TRPM7: variants seen among roughly 807,000 people sequenced by gnomAD.
TRPM7 encodes LTRPC ion channel family member 7.
Under a neutral mutation model 229.7 loss-of-function variants are expected in TRPM7, and 134 were observed. The ratio of observed to expected loss-of-function variants is 0.58; its 90% CI spans 0.51 to 0.67. The LOEUF is 0.67. TRPM7 is among the 30% of genes least tolerant of loss of function. The pLI, the probability that TRPM7 is intolerant of heterozygous loss-of-function variation, is 0.00. For missense variants in TRPM7, 1,901 were observed against 2,210.0 expected (o/e 0.86, Z 2.80); for synonymous variants, 699 against 715.2 (o/e 0.98, Z 0.36).
chr15:50,568,436 T>C (rs1467874726), intron 38 of TRPM7, among the ~76,000 whole-genome samples: 2 of 152,112 alleles, frequency 1.3e-5, no homozygotes, highest in East Asian at 1.9e-4. Flanking sequence ...CAGGGACATA[T>C]GCTCAAAAAA....
chr15:50,557,258 C>G lies in TRPM7; in HGVS notation c.*4420G>C, dbSNP rs1343369629. 1 of 152,168 alleles carries G rather than the reference C, an allele frequency of 6.6e-6. No homozygotes were observed. The highest frequency in any genetic ancestry group is 6.5e-5 in the Admixed American group (1 of 15,276). The allele number at this position is 152,168 out of a possible 1,614,324, so 9.4% of individuals were successfully genotyped here. A position where few individuals can be genotyped will look rare whatever the true frequency, so the allele number is the denominator to read the frequency against. Reference sequence around the variant, plus strand: ...ACGACCCATCTCTTCAAGAGGAAGTCTGGTATTATGGAAAAACATTTTGTC... The same window carrying G: ...ACGACCCATCTCTTCAAGAGGAAGTGTGGTATTATGGAAAAACATTTTGTC... On this transcript the variant is annotated 3_prime_UTR_variant, in exon 39 of 39. Transcript: ENST00000646667.
chr15:50,599,591 G>A (rs894936193), intron 21 of TRPM7: 9 of 220,614 alleles, frequency 4.1e-5, no homozygotes, highest in Admixed American at 5.7e-5. Context: ...TCTGTGGTAC[G>A]TGAAGATTTT....
At chr15:50,645,426 A>G (rs2061235362) in intron 4 of TRPM7, among the ~76,000 whole-genome samples, 1 of 152,062 alleles carries the variant, frequency 6.6e-6, no homozygotes, top group Admixed American at 6.6e-5. Flanking sequence ...TCCCGGGTTC[A>G]AGAGATTCTC....
chr15:50,636,039 G>A (rs891552751), intron 7 of TRPM7, among the ~76,000 whole-genome samples: 2 of 151,516 alleles, frequency 1.3e-5, no homozygotes, highest in African/African-American at 4.9e-5. Flanking sequence ...TACATAACTG[G>A]AACTGATCAA....
In TRPM7 at chr15:50,575,780, C is replaced by A. The variant is rs749412295; in HGVS notation, c.4679G>T (p.Arg1560Ile). 1.9e-6 allele frequency: 3 copies of A among 1,613,466 alleles called. No homozygotes were observed. The highest frequency in any genetic ancestry group is 1.1e-5 in the South Asian group (1 of 90,998). The change falls in exon 33 of 39, where the codon AGA (arginine) becomes ATA (isoleucine). Residue 1560 changes from arginine to isoleucine, a missense_variant. Arg to Ile is a moderately conservative substitution (Grantham distance 97). Coordinates refer to ENST00000646667, the MANE Select transcript of TRPM7 (RefSeq NM_017672.6). Reference protein sequence around the residue: ...DTNYYYSAVERNNLMRLSQSI... With the variant: ...DTNYYYSAVEINNLMRLSQSI... The stretch of plus-strand genomic sequence containing the variant: ...CTGTGATAACCTCATCAAGTTATTT[C>A]TTTCCACAGCTGCATAAAAATGAGA...
intron 33 of TRPM7, 112 bp from the exon 34 acceptor site, chr15:50,575,247 C>T: frequency 1.2e-6 from 1 of 854,584 alleles, no homozygotes; most frequent in Non-Finnish European, 1.7e-6. Context: ...TAAAATGGAC[C>T]AAGATGTAGT....
At position 50,570,205 on chromosome 15, in the gene TRPM7, C is replaced by T. The variant is rs1011462108; in HGVS notation, c.5309-50G>A. ...CAAATAATTTATATTATATAATTGACATAAATACTGACATCTGCATAATAA... is the reference window on the plus strand; with the variant it reads ...CAAATAATTTATATTATATAATTGATATAAATACTGACATCTGCATAATAA... On this transcript the variant is annotated intron_variant, in intron 36 of 38. Coordinates refer to ENST00000646667, the MANE Select transcript of TRPM7 (RefSeq NM_017672.6). 7 of 1,290,012 alleles carry T rather than the reference C, an allele frequency of 5.4e-6. No individual in the cohort carries two copies. In the East Asian group the frequency reaches 7.6e-5, roughly 14 times the overall value. The allele number at this position is 1,290,012 out of a possible 1,614,324, so 79.9% of individuals were successfully genotyped here.
At chr15:50,613,091 T>C (rs1039720256) in intron 15 of TRPM7, among the ~76,000 whole-genome samples, 7 of 152,246 alleles carry the variant, frequency 4.6e-5, no homozygotes, top group Admixed American at 3.9e-4. Flanking sequence ...GAACATAATT[T>C]TAATAAAGGG....
chr15:50,596,384 T>C lies in TRPM7; in HGVS notation c.3164-3A>G. Reference sequence around the variant, plus strand: ...GATAACAGAATCATTTGCACACACTTTAGAGAGAAAAAAAGAAAAAAACAA... The same window carrying C: ...GATAACAGAATCATTTGCACACACTCTAGAGAGAAAAAAAGAAAAAAACAA... On this transcript the variant is annotated splice_polypyrimidine_tract_variant and splice_region_variant and intron_variant, in intron 22 of 38. Coordinates refer to ENST00000646667, the MANE Select transcript of TRPM7 (RefSeq NM_017672.6). The C allele has an allele frequency of 1.3e-6, 2 of 1,568,014 alleles. No individual in the cohort carries two copies. The highest frequency in any genetic ancestry group is 1.7e-6 in the Non-Finnish European group (2 of 1,166,602).
At chr15:50,573,496 C>T (rs1441779494) in intron 36 of TRPM7, among the ~76,000 whole-genome samples, 2 of 152,130 alleles carry the variant, frequency 1.3e-5, no homozygotes, top group Non-Finnish European at 2.9e-5. Context: ...TTTGAGGTGA[C>T]AGCAGAGAGA....
intron 21 of TRPM7, 39 bp downstream of exon 21, chr15:50,604,827 A>C: frequency 2.7e-5 from 41 of 1,509,616 alleles, no homozygotes; most frequent in Non-Finnish European, 3.5e-5. Flanking sequence ...TTAAAAAATC[A>C]ATAAACCCAC....
rs932587170 is a variant in TRPM7 at position 50,657,881 on chromosome 15, T to C, written c.84-62A>G. On this transcript the variant is annotated intron_variant, in intron 2 of 38. Coordinates refer to ENST00000646667, the MANE Select transcript of TRPM7 (RefSeq NM_017672.6). ...TGAAAAACTTTCTGATTTTAAAGTATATAAAATACATAAAATACAAAACAA... is the reference window on the plus strand; with the variant it reads ...TGAAAAACTTTCTGATTTTAAAGTACATAAAATACATAAAATACAAAACAA... The C allele has an allele frequency of 5.8e-6, 8 of 1,372,880 alleles. No homozygotes were observed. In the African/African-American group the frequency reaches 1.0e-4, roughly 18 times the overall value. 85.0% of individuals were successfully genotyped at this position (1,372,880 alleles called of 1,614,324 possible). A position where few individuals can be genotyped will look rare whatever the true frequency, so the allele number is the denominator to read the frequency against.
chr15:50,599,541 A>G (rs970505248), intron 21 of TRPM7: 7 of 338,232 alleles, frequency 2.1e-5, no homozygotes, highest in Non-Finnish European at 3.2e-5. Context: ...TTATCTACAT[A>G]ATGAATTGTA....
At chr15:50,594,296 C>G in intron 24 of TRPM7, 133 bp downstream of exon 24, 1 of 735,786 alleles carries the variant, frequency 1.4e-6, no homozygotes, top group Non-Finnish European at 2.2e-6. Context: ...CCTTTATGTA[C>G]AGGCATATTT....
At chr15:50,569,572 T>C (rs970878990) in intron 38 of TRPM7, among the ~76,000 whole-genome samples, 1 of 152,162 alleles carries the variant, frequency 6.6e-6, no homozygotes, top group African/African-American at 2.4e-5. Context: ...GCTAATCTTG[T>C]CAATATTCAA....
chr15:50,667,696 G>A (rs116400604), intron 1 of TRPM7, among the ~76,000 whole-genome samples: 2,217 of 152,122 alleles, frequency 0.015, 60 homozygotes, highest in African/African-American at 0.051. Flanking sequence ...AACAGAAGGA[G>A]ACTCCATCCC....
intron 1 of TRPM7, among the ~76,000 whole-genome samples, chr15:50,670,587 T>C (rs780193822): frequency 2.6e-5 from 4 of 151,966 alleles, no homozygotes; most frequent in African/African-American, 4.8e-5. Context: ...AGTTACCCTA[T>C]ATAGTTTAAA....
At chr15:50,598,593 C>T (rs1181303773) in intron 22 of TRPM7, among the ~76,000 whole-genome samples, 1 of 152,182 alleles carries the variant, frequency 6.6e-6, no homozygotes, top group Non-Finnish European at 1.5e-5. Flanking sequence ...AATCCCATCC[C>T]CCTTGTCTGT....
chr15:50,618,138 AAG>A (rs775926615), intron 13 of TRPM7, among the ~76,000 whole-genome samples: 2 of 152,208 alleles, frequency 1.3e-5, no homozygotes, highest in Non-Finnish European at 2.9e-5. Flanking sequence ...ATGGCTATAA[AAG>A]TGGTGATAAA....
Sources: gnomAD v4.1 joint callset for allele counts (sites outside exome capture counted in the v4.1 genomes callset) on GRCh38, gnomAD v4.1.1 for gene constraint, MANE v1.5 for transcripts, NCBI Gene and HGNC (gene_info 2026-07-23, HGNC 2026-07-21) for gene names.